The following TENM1 variants were observed in gnomAD, a reference collection of about 807,000 sequenced individuals.
TENM1 encodes teneurin transmembrane protein 1.
A neutral mutation model predicts 174.8 loss-of-function variants in TENM1; 35 were observed. The ratio of observed to expected loss-of-function variants is 0.20; its 90% CI spans 0.15 to 0.27. The LOEUF is 0.27. Among genes scored for constraint, TENM1 ranks in the 10% least tolerant of loss-of-function variants. The pLI, the probability that TENM1 is intolerant of heterozygous loss-of-function variation, is 1.00. For synonymous variants in TENM1, 781 were observed against 798.7 expected (o/e 0.98, Z 0.37); for missense variants, 1,633 against 2,130.1 (o/e 0.77, Z 4.59).
At chrX:125,004,267 A>G in the TENM1 span, among the ~76,000 whole-genome samples, 15,819 of 111,272 alleles carry the variant, frequency 0.14, 890 homozygotes, top group South Asian at 0.24. Context: ...GTGGATTTTC[A>G]TTTTGACAAG....
the TENM1 span, among the ~76,000 whole-genome samples, chrX:125,176,996 T>C: frequency 8.9e-6 from 1 of 111,999 alleles, no homozygotes; most frequent in African/African-American, 3.2e-5. Flanking sequence ...ATACACCATA[T>C]ACAAAATATT....
the TENM1 span, among the ~76,000 whole-genome samples, chrX:125,122,434 G>A: frequency 4.5e-5 from 5 of 111,357 alleles, no homozygotes; most frequent in Non-Finnish European, 7.5e-5. Context: ...GATCAATATT[G>A]GGGAAGCTAT....
chrX:124,671,599 G>T (rs1402758130), intron 6 of TENM1, 84 bp downstream of exon 9: 5 of 929,477 alleles, frequency 5.4e-6, no homozygotes, highest in Admixed American at 2.9e-5. Context: ...GAAATTTAAT[G>T]TGAAGTGAAA....
chrX:124,637,156 C>A (rs1358494316), intron 11 of TENM1, among the ~76,000 whole-genome samples: 1 of 107,180 alleles, frequency 9.3e-6, no homozygotes, highest in Non-Finnish European at 1.9e-5. Flanking sequence ...GTGGCACGAT[C>A]TCAGCTCACT....
intron 3 of TENM1, among the ~76,000 whole-genome samples, chrX:124,877,402 A>G (rs1418271463): frequency 3.6e-5 from 4 of 112,237 alleles, no homozygotes; most frequent in Non-Finnish European, 7.5e-5. Flanking sequence ...TTGGTTCCTA[A>G]CAGTGCTTAT....
intron 6 of TENM1, among the ~76,000 whole-genome samples, chrX:124,666,252 CTG>C (rs1338637051): frequency 1.8e-5 from 2 of 111,361 alleles, no homozygotes; most frequent in African/African-American, 6.5e-5. Context: ...TTCTTTAGTT[CTG>C]TCTTTCCCCA....
chrX:124,589,271 T>C (rs1376776860), intron 11 of TENM1, among the ~76,000 whole-genome samples: 4 of 111,044 alleles, frequency 3.6e-5, no homozygotes, highest in Non-Finnish European at 7.5e-5. Flanking sequence ...CACTAGCTTT[T>C]TGATGTACTG....
At chrX:124,517,065 G>A (rs916028855) in intron 18 of TENM1, among the ~76,000 whole-genome samples, 8 of 111,096 alleles carry the variant, frequency 7.2e-5, no homozygotes, top group African/African-American at 9.8e-5. Context: ...ACCAAATACC[G>A]CATGTTCTCT....
intron 7 of TENM1, 54 bp from the exon 11 acceptor site, chrX:124,652,178 A>G (rs1159024213): frequency 2.6e-6 from 3 of 1,157,543 alleles, no homozygotes; most frequent in Admixed American, 5.1e-5. Context: ...CTAGACTGAT[A>G]AACATCCCTA....
chrX:124,536,867 C>G (rs2048217233), intron 15 of TENM1, among the ~76,000 whole-genome samples: 1 of 111,829 alleles, frequency 8.9e-6, no homozygotes, highest in Non-Finnish European at 1.9e-5. Context: ...AATGTTTTCT[C>G]TTTGCAATCA....
At chrX:124,975,468 T>A in the TENM1 span, among the ~76,000 whole-genome samples, 1 of 112,011 alleles carries the variant, frequency 8.9e-6, no homozygotes, top group South Asian at 3.7e-4. Flanking sequence ...TAATAGGCTT[T>A]AAATATGGTC....
chrX:124,471,469 A>ATATATAATATATAGTAT lies in TENM1; in HGVS notation c.3949+10262_3949+10263insATACTATATATTATATA, dbSNP rs1556644598. On this transcript the variant is annotated intron_variant, in intron 22 of 31. Transcript: ENST00000422452. ...AGTACTATATATAATACTATATATA[A>ATATATAATATATAGTAT]TATATAATATATAATATATAGTATT... 1.0e-3 allele frequency among the ~76,000 whole-genome samples: 22 copies of ATATATAATATATAGTAT among 21,696 alleles called. 6 individuals are homozygous for ATATATAATATATAGTAT. Among genetic ancestry groups the ATATATAATATATAGTAT allele is most frequent in the African/African-American group, 3.1e-3 (22 of 6,985 alleles). The allele number at this position is 21,696 out of a possible 115,157, so 18.8% of individuals were successfully genotyped here. A position where few individuals can be genotyped will look rare whatever the true frequency, so the allele number is the denominator to read the frequency against.
chrX:125,148,116 G>C, the TENM1 span, among the ~76,000 whole-genome samples: 3 of 110,872 alleles, frequency 2.7e-5, no homozygotes, highest in South Asian at 1.1e-3. Context: ...CCCAGTCTGC[G>C]CTACTAGCCC....
intron 3 of TENM1, among the ~76,000 whole-genome samples, chrX:124,749,071 A>AT (rs950141089): frequency 3.6e-5 from 4 of 110,802 alleles, no homozygotes; most frequent in East Asian, 2.8e-4. Flanking sequence ...ATTATAGTTG[A>AT]TTTTTTTTCA....
At chrX:124,838,400 A>G in intron 3 of TENM1, among the ~76,000 whole-genome samples, 1 of 112,332 alleles carries the variant, frequency 8.9e-6, no homozygotes, top group East Asian at 2.8e-4. Flanking sequence ...TGAAAACTGA[A>G]ATAAAATAAA....
chrX:125,027,976 C>T, the TENM1 span, among the ~76,000 whole-genome samples: 11 of 111,389 alleles, frequency 9.9e-5, no homozygotes, highest in Admixed American at 4.8e-4. Flanking sequence ...AATGTCGATA[C>T]GGATATAGAG....
At chrX:124,517,356 T>G (rs1386022419) in intron 18 of TENM1, among the ~76,000 whole-genome samples, 1 of 110,324 alleles carries the variant, frequency 9.1e-6, no homozygotes, top group Non-Finnish European at 1.9e-5. Flanking sequence ...TAAAGACACA[T>G]GCACACGTAT....
chrX:125,042,043 C>T, the TENM1 span, among the ~76,000 whole-genome samples: 1 of 111,788 alleles, frequency 8.9e-6, no homozygotes, highest in Non-Finnish European at 1.9e-5. Context: ...TTGTACTTTT[C>T]AGTGAATAAT....
the TENM1 span, among the ~76,000 whole-genome samples, chrX:125,158,987 A>G: frequency 9.0e-6 from 1 of 111,317 alleles, no homozygotes; most frequent in East Asian, 2.8e-4. Context: ...GTCAGCTTCC[A>G]GAGATCCAAG....
Sources: allele counts gnomAD v4.1 joint callset (sites outside exome capture counted in the v4.1 genomes callset), GRCh38; gene constraint gnomAD v4.1.1; transcripts MANE v1.5; gene names NCBI Gene and HGNC (gene_info 2026-07-23, HGNC 2026-07-21).